The following PCDHGB4 variants were observed in gnomAD, a reference collection of about 807,000 sequenced individuals.
PCDHGB4 encodes protocadherin gamma-B4.
A neutral mutation model predicts 60.5 loss-of-function variants in PCDHGB4; 38 were observed. The ratio of observed to expected loss-of-function variants is 0.63; its 90% CI spans 0.48 to 0.82. The LOEUF (loss-of-function observed/expected upper bound fraction) is 0.82. Among genes scored for constraint, PCDHGB4 ranks in the 40% least tolerant of loss-of-function variants. The probability of loss-of-function intolerance (pLI) is 0.00; values close to 1 mark genes in which losing one functional copy is unlikely to be tolerated. For synonymous variants in PCDHGB4, 456 were observed against 509.7 expected (o/e 0.89, Z 1.42); for missense variants, 1,109 against 1,209.6 (o/e 0.92, Z 1.23).
In PCDHGB4 at chr5:141,393,995, A is replaced by C. The variant is rs201832611; in HGVS notation, c.2397+3714A>C. On this transcript the variant is annotated intron_variant, in intron 1 of 3. Coordinates refer to ENST00000519479, the MANE Select transcript of PCDHGB4 (RefSeq NM_003736.4). ...CACGTGATAATTTACCTTTTAAATT[A>C]GAAAAGTCAATAGGTAATTATTATA... is the stretch of plus-strand genomic sequence containing the variant. The C allele has an allele frequency of 8.1e-6, 13 of 1,613,430 alleles. No homozygotes were observed. Among genetic ancestry groups the C allele is most frequent in the Non-Finnish European group, 1.1e-5 (13 of 1,179,634 alleles).
chr5:141,422,633 G>T lies in PCDHGB4; in HGVS notation c.2397+32352G>T, dbSNP rs769515606. 10 of 1,613,120 alleles carry T rather than the reference G, an allele frequency of 6.2e-6. No individual in the cohort carries two copies. In the East Asian group the frequency reaches 2.0e-4, roughly 32 times the overall value. ...TACATTCCCGAAAACAACCCCAGGG[G>T]TGCCTCCATCTTCTCAGTGACCGCC... On this transcript the variant is annotated intron_variant, in intron 1 of 3. Coordinates refer to ENST00000519479, the MANE Select transcript of PCDHGB4 (RefSeq NM_003736.4).
intron 1 of PCDHGB4, chr5:141,402,997 G>C: frequency 3.7e-6 from 6 of 1,613,928 alleles, no homozygotes; most frequent in Non-Finnish European, 5.1e-6. Context: ...GATTAGTCCT[G>C]CTATGCTCGC....
At chr5:141,400,747 G>GCTT (rs1302066014) in intron 1 of PCDHGB4, 9 of 602,662 alleles carry the variant, frequency 1.5e-5, no homozygotes, top group Admixed American at 6.5e-5. Context: ...TTTGCTCTTA[G>GCTT]CTTCCTCTCT....
rs532216579 is a variant in PCDHGB4, at chr5:141,419,369, T to G, written c.2397+29088T>G. 631 of 1,613,750 alleles carry G rather than the reference T, an allele frequency of 3.9e-4. 5 individuals carry two copies. In the East Asian group the frequency reaches 0.013, roughly 33 times the overall value. On this transcript the variant is annotated intron_variant, in intron 1 of 3. Coordinates refer to ENST00000519479, the MANE Select transcript of PCDHGB4 (RefSeq NM_003736.4). ...CCTGGAGTCACGAACGCTGTCGTCC[T>G]ACGTGTCCGTGAGCGCGCAGAGCGG...
rs1048758308 is a variant in PCDHGB4 at position 141,498,931 on chromosome 5, A to T, written c.2456+4066A>T. Among the ~76,000 whole-genome samples the T allele has an allele frequency of 6.2e-4, 88 of 141,764 alleles. 1 individual carries two copies. Among genetic ancestry groups the T allele is most frequent in the Non-Finnish European group, 1.1e-3 (70 of 64,686 alleles). 93.0% of individuals were successfully genotyped at this position (141,764 alleles called of 152,430 possible). On this transcript the variant is annotated intron_variant, in intron 2 of 3. Coordinates refer to ENST00000519479, the MANE Select transcript of PCDHGB4 (RefSeq NM_003736.4). ...CTGGGTGACAGAGCGAGACTCCATC[A>T]GGAAAGAAAGAAAGAAAAAGAGAGA... is the stretch of plus-strand genomic sequence containing the variant.
intron 1 of PCDHGB4, chr5:141,423,833 T>G: frequency 1.8e-5 from 23 of 1,262,362 alleles, no homozygotes; most frequent in East Asian, 7.3e-5. Flanking sequence ...TTCATGAGAT[T>G]ACGATAATCT....
At chr5:141,428,600 C>T (rs2097150405) in intron 1 of PCDHGB4, 1 of 223,920 alleles carries the variant, frequency 4.5e-6, no homozygotes, top group African/African-American at 2.3e-5. Flanking sequence ...GCAAGCTTCA[C>T]TGAAGAGAAT....
At chr5:141,470,201 G>C (rs2154570565) in intron 1 of PCDHGB4, among the ~76,000 whole-genome samples, 1 of 152,274 alleles carries the variant, frequency 6.6e-6, no homozygotes, top group Non-Finnish European at 1.5e-5. Flanking sequence ...AGATAAATAT[G>C]AAGGCTAAAC....
At chr5:141,466,324 C>A (rs2154569179) in intron 1 of PCDHGB4, among the ~76,000 whole-genome samples, 1 of 152,218 alleles carries the variant, frequency 6.6e-6, no homozygotes, top group East Asian at 1.9e-4. Context: ...GCACATGCTA[C>A]CATGCCTGGA....
In PCDHGB4 at chr5:141,491,357, T is replaced by C; in HGVS notation, c.2398-3450T>C. 6.2e-7 allele frequency: 1 copy of C among 1,614,144 alleles called. No homozygotes were observed. Among genetic ancestry groups the C allele is most frequent in the South Asian group, 1.1e-5 (1 of 91,080 alleles). On this transcript the variant is annotated intron_variant, in intron 1 of 3. Transcript: ENST00000519479. This position sits in a 1 kb window ranked among gnomAD's most constrained non-coding sequence, Gnocchi z 6.9. ...CTAGCGACCGTCAGTCTCTTATCCCTAGTCACCTTCACCTTTCTGTCAGCG... is the reference window on the plus strand; with the variant it reads ...CTAGCGACCGTCAGTCTCTTATCCCCAGTCACCTTCACCTTTCTGTCAGCG...
At chr5:141,454,426 GAC>G (rs746508144) in intron 1 of PCDHGB4, among the ~76,000 whole-genome samples, 3 of 152,168 alleles carry the variant, frequency 2.0e-5, no homozygotes, top group Non-Finnish European at 2.9e-5. Context: ...TTTATTTAGA[GAC>G]AGAGTTTCAC....
chr5:141,423,174 C>T (rs1203454000), intron 1 of PCDHGB4: 1 of 1,613,484 alleles, frequency 6.2e-7, no homozygotes, highest in South Asian at 1.1e-5. Flanking sequence ...CCGTCCAGGA[C>T]CACGGCCAGC....
chr5:141,476,565 C>T lies in PCDHGB4; in HGVS notation c.2398-18242C>T. 6.2e-7 allele frequency: 1 copy of T among 1,614,184 alleles called. No individual in the cohort carries two copies. Among genetic ancestry groups the T allele is most frequent in the Non-Finnish European group, 8.5e-7 (1 of 1,180,034 alleles). On this transcript the variant is annotated intron_variant, in intron 1 of 3. Coordinates refer to ENST00000519479, the MANE Select transcript of PCDHGB4 (RefSeq NM_003736.4). This position sits in a 1 kb window ranked among gnomAD's most constrained non-coding sequence, Gnocchi z 7.6. ...TTGGAGATTAGCGAGGCCGTGGCTC[C>T]GGGGACGCGCTTTCCGCTCGAGAGC...
chr5:141,417,792 T>C, intron 1 of PCDHGB4: 1 of 1,483,216 alleles, frequency 6.7e-7, no homozygotes, highest in South Asian at 1.4e-5. Flanking sequence ...CCGAATGCTC[T>C]TTTAGCGCGG....
chr5:141,456,139 C>T (rs999574407), intron 1 of PCDHGB4, among the ~76,000 whole-genome samples: 20 of 152,010 alleles, frequency 1.3e-4, no homozygotes, highest in Admixed American at 9.8e-4. Context: ...CCTCCTGATC[C>T]GCCCGCCTCG....
intron 1 of PCDHGB4, among the ~76,000 whole-genome samples, chr5:141,457,424 C>T (rs1261475379): frequency 6.6e-6 from 1 of 152,068 alleles, no homozygotes; most frequent in Non-Finnish European, 1.5e-5. Context: ...TCCCTTTTTC[C>T]CCCCCACCAA....
chr5:141,438,579 CATACATACATACATATAT>C (rs1303045573), intron 1 of PCDHGB4, among the ~76,000 whole-genome samples: 21 of 55,772 alleles, frequency 3.8e-4, no homozygotes, highest in Admixed American at 1.1e-3. Context: ...GATATACATA[CATACATACATACATATAT>C]ATATATATAT....
In PCDHGB4 at chr5:141,415,509, T is replaced by C. The variant is rs1296405723; in HGVS notation, c.2397+25228T>C. The C allele has an allele frequency of 4.3e-6, 7 of 1,614,054 alleles. No individual in the cohort carries two copies. In the Admixed American group the frequency reaches 5.0e-5, roughly 12 times the overall value. On this transcript the variant is annotated intron_variant, in intron 1 of 3. Transcript: ENST00000519479. ...GTCACCTGATCTTCCCCCAGCCCAA[T>C]TATGCGGACACGCTCATCAGCCAGG...
rs186484297 is a variant in PCDHGB4 at position 141,453,739 on chromosome 5, A to G, written c.2398-41068A>G. ...TAAAAATATTTGTTACTACAGCTTA[A>G]ATAACATAAGTCTCCTAAAAATAAT... On this transcript the variant is annotated intron_variant, in intron 1 of 3. Coordinates refer to ENST00000519479, the MANE Select transcript of PCDHGB4 (RefSeq NM_003736.4). Among the ~76,000 whole-genome samples, 2 of 152,370 alleles carry G rather than the reference A, an allele frequency of 1.3e-5. 1 individual carries two copies. Among genetic ancestry groups the G allele is most frequent in the Admixed American group, 1.3e-4 (2 of 15,300 alleles).
Sources: gnomAD v4.1 joint callset for allele counts (sites outside exome capture counted in the v4.1 genomes callset) on GRCh38, gnomAD v4.1.1 for gene constraint, Gnocchi (gnomAD v3.1) non-coding constraint, MANE v1.5 for transcripts, NCBI Gene and HGNC (gene_info 2026-07-23, HGNC 2026-07-21) for gene names.